TTC6: variants seen among roughly 807,000 people sequenced by gnomAD.
TTC6 encodes the protein tetratricopeptide repeat domain 6.
In TTC6, 172 loss-of-function variants were observed where a neutral mutation model predicts 210.4. The ratio of observed to expected loss-of-function variants is 0.82; its 90% CI spans 0.72 to 0.93. The LOEUF (loss-of-function observed/expected upper bound fraction) is 0.93. Among genes scored for constraint, TTC6 ranks in the 40% least tolerant of loss-of-function variants. TTC6 has a pLI of 0.00. For synonymous variants in TTC6, 804 were observed against 819.6 expected (o/e 0.98, Z 0.32); for missense variants, 2,414 against 2,318.1 (o/e 1.04, Z -0.85).
exon 11 of TTC6, chr14:37,749,263 ATAT>A: frequency 6.5e-7 from 1 of 1,527,106 alleles, no homozygotes; most frequent in Non-Finnish European, 8.8e-7. Context: ...AGGTCATTAA[ATAT>A]TATGAATCTG....
intron 1 of TTC6, among the ~76,000 whole-genome samples, chr14:37,647,362 A>G (rs1274742915): frequency 2.6e-5 from 4 of 152,242 alleles, no homozygotes; most frequent in Non-Finnish European, 5.9e-5. Flanking sequence ...GTGAGAGATG[A>G]TGGTGGCTTG....
intron 1 of TTC6, among the ~76,000 whole-genome samples, chr14:37,629,724 T>C (rs375292367): frequency 2.0e-5 from 3 of 152,218 alleles, no homozygotes; most frequent in Non-Finnish European, 4.4e-5. Context: ...GCCCATTCCG[T>C]ATGATATTGG....
At chr14:37,817,491 C>T (rs1157515508) in intron 25 of TTC6, 87 bp from the exon 28 acceptor site, 2 of 1,112,842 alleles carry the variant, frequency 1.8e-6, no homozygotes, top group Non-Finnish European at 2.7e-6. Flanking sequence ...ATGCTTGTGT[C>T]ATTGTGGAAT....
At chr14:37,839,849 C>A (rs144842556) in intron 29 of TTC6, among the ~76,000 whole-genome samples, 1 of 152,086 alleles carries the variant, frequency 6.6e-6, no homozygotes, top group African/African-American at 2.4e-5. Context: ...GGGATCTAGT[C>A]TCAGCTTTCT....
chr14:37,807,864 A>C (rs1362702548), intron 23 of TTC6, among the ~76,000 whole-genome samples: 1 of 152,072 alleles, frequency 6.6e-6, no homozygotes, highest in Non-Finnish European at 1.5e-5. Flanking sequence ...TATGGTATTT[A>C]TATAACTTGT....
At chr14:37,754,263 G>A (rs1259593261) in intron 14 of TTC6, among the ~76,000 whole-genome samples, 1 of 151,860 alleles carries the variant, frequency 6.6e-6, no homozygotes, top group East Asian at 1.9e-4. Context: ...ACAGGCCCTG[G>A]TGTGTGATGT....
chr14:37,842,229 G>C, exon 31 of TTC6: 2 of 1,610,084 alleles, frequency 1.2e-6, no homozygotes, highest in Non-Finnish European at 1.7e-6. Context: ...AGGTCTGATT[G>C]AGGAAGCTAT....
intron 1 of TTC6, among the ~76,000 whole-genome samples, chr14:37,664,695 A>G (rs2095744285): frequency 1.3e-5 from 2 of 150,762 alleles, no homozygotes; most frequent in African/African-American, 2.4e-5. Context: ...AAAAGAAACT[A>G]TAATCAGAGT....
intron 5 of TTC6, among the ~76,000 whole-genome samples, chr14:37,704,741 G>T (rs2095832133): frequency 6.6e-6 from 1 of 151,690 alleles, no homozygotes; most frequent in African/African-American, 2.4e-5. Flanking sequence ...TTTTTTGTGT[G>T]TTCTAGTCTT....
chr14:37,600,500 C>T (rs920013019), intron 1 of TTC6, among the ~76,000 whole-genome samples: 1 of 152,192 alleles, frequency 6.6e-6, no homozygotes, highest in African/African-American at 2.4e-5. Context: ...GCCCCTCCCC[C>T]CACACACCCA....
chr14:37,649,261 G>A (rs73263329), intron 1 of TTC6, among the ~76,000 whole-genome samples: 4 of 152,144 alleles, frequency 2.6e-5, no homozygotes, highest in African/African-American at 4.8e-5. Flanking sequence ...TTGACACTCC[G>A]TAGGGCTGTT....
chr14:37,600,105 C>T (rs2095612794), intron 1 of TTC6, among the ~76,000 whole-genome samples: 1 of 152,170 alleles, frequency 6.6e-6, no homozygotes, highest in African/African-American at 2.4e-5. Flanking sequence ...GCACGCTTCA[C>T]ACAAAGAGGT....
At chr14:37,680,310 T>TCAA in intron 2 of TTC6, 49 bp downstream of exon 4, 1 of 1,138,178 alleles carries the variant, frequency 8.8e-7, no homozygotes, top group South Asian at 1.4e-5. Flanking sequence ...AGTAACAGCA[T>TCAA]GCTTCCTGTT....
At chr14:37,799,939 C>T (rs1170867277) in intron 20 of TTC6, among the ~76,000 whole-genome samples, 1 of 152,146 alleles carries the variant, frequency 6.6e-6, no homozygotes, top group Non-Finnish European at 1.5e-5. Flanking sequence ...TGTTCGTCAA[C>T]AATATTCTAA....
At chr14:37,775,104 G>T (rs189062833) in intron 14 of TTC6, among the ~76,000 whole-genome samples, 1 of 152,032 alleles carries the variant, frequency 6.6e-6, no homozygotes, top group Non-Finnish European at 1.5e-5. Flanking sequence ...GATTGTGTCT[G>T]TTTGGATCTT....
chr14:37,804,685 T>C (rs775040654), exon 21 of TTC6: 1 of 1,612,960 alleles, frequency 6.2e-7, no homozygotes, highest in South Asian at 1.1e-5. Flanking sequence ...TATAGGAAGC[T>C]GTGGAAGTGC....
chr14:37,759,139 T>C (rs1312520378), intron 14 of TTC6, among the ~76,000 whole-genome samples: 1 of 151,688 alleles, frequency 6.6e-6, no homozygotes, highest in African/African-American at 2.4e-5. Flanking sequence ...GGCATATGCC[T>C]ATAGTCCCAG....
intron 23 of TTC6, among the ~76,000 whole-genome samples, chr14:37,808,182 A>T (rs749082371): frequency 7.2e-5 from 11 of 152,174 alleles, no homozygotes; most frequent in Non-Finnish European, 1.6e-4. Flanking sequence ...TAGCTATTTT[A>T]TATGAAATAT....
intron 3 of TTC6, among the ~76,000 whole-genome samples, chr14:37,689,041 TG>T (rs1160792483): frequency 6.6e-6 from 1 of 152,132 alleles, no homozygotes; most frequent in Non-Finnish European, 1.5e-5. Flanking sequence ...ATACCTGTTT[TG>T]AAGAAACTCA....
Sources: gnomAD v4.1 joint callset for allele counts (sites outside exome capture counted in the v4.1 genomes callset) on GRCh38, gnomAD v4.1.1 for gene constraint, MANE v1.5 for transcripts, NCBI Gene and HGNC (gene_info 2026-07-23, HGNC 2026-07-21) for gene names.